Variants in SLC47A2 observed in about 807,000 individuals in gnomAD.
SLC47A2 encodes solute carrier family 47 member 2.
SLC47A2 carries 52 observed loss-of-function variants against 67.7 expected under a neutral mutation model. The observed-to-expected ratio is 0.77, with a 90% CI of 0.61 to 0.97. SLC47A2 has a LOEUF of 0.97. SLC47A2 is among the 50% of genes least tolerant of loss of function. The pLI is 0.00. For synonymous variants in SLC47A2, 278 were observed against 292.9 expected (o/e 0.95, Z 0.52); for missense variants, 676 against 712.3 (o/e 0.95, Z 0.58).
chr17:19,716,234 G>T, intron 1 of SLC47A2, 199 bp downstream of exon 1: 1 of 815,790 alleles, frequency 1.2e-6, no homozygotes, highest in Non-Finnish European at 1.8e-6. Flanking sequence ...AGCAAAGTCA[G>T]GCCCCACTGC....
Position 19,681,349 on chromosome 17 carries a change from G to T in SLC47A2, c.1392+18C>A, listed in dbSNP as rs1480489565. The T allele has an allele frequency of 6.3e-7, 1 of 1,579,874 alleles. No homozygotes were observed. The highest frequency in any genetic ancestry group is 1.2e-5 in the South Asian group (1 of 85,850). On this transcript the variant is annotated intron_variant, in intron 15 of 16. Transcript: ENST00000433844. ...AGGTGCAGGGTGTCTTGTGGCCAGG[G>T]TCAGCTGACCCACTTACCTCCTCTG... is the stretch of plus-strand genomic sequence containing the variant.
At chr17:19,692,183 G>A (rs1037175071) in intron 13 of SLC47A2, 25 of 382,640 alleles carry the variant, frequency 6.5e-5, no homozygotes, top group South Asian at 2.1e-4. Context: ...AGCCAAGATC[G>A]TGCCACTGCA....
At chr17:19,695,499 C>CAAA (rs369851386) in intron 13 of SLC47A2, among the ~76,000 whole-genome samples, 4 of 55,434 alleles carry the variant, frequency 7.2e-5, no homozygotes, top group East Asian at 3.6e-4. Context: ...AAACAAAGAA[C>CAAA]AAAAAAAAAA....
Position 19,678,693 on chromosome 17 carries a change from C to G in SLC47A2, c.1694G>C (p.Arg565Thr). Residue 565 changes from arginine (R) to threonine (T), a missense_variant, in exon 17 of 17, where the codon AGG becomes ACG. Coordinates refer to ENST00000433844, the MANE Select transcript of SLC47A2 (RefSeq NM_001099646.3). ...VGLTVRILATRH is the reference protein window; with the variant it reads ...VGLTVRILATTH ...TATTTCCAAGCTTCTTTGCTAGTGC[C>G]TGGTGGCTAGGATCCTGACCGTGAG... 1 of 1,612,182 alleles carries G rather than the reference C, an allele frequency of 6.2e-7. No individual in the cohort carries two copies.
chr17:19,679,868 C>G (rs2085275423), intron 16 of SLC47A2, 84 bp downstream of exon 16: 1 of 1,340,420 alleles, frequency 7.5e-7, no homozygotes, highest in Non-Finnish European at 1.0e-6. Flanking sequence ...TTTCCAATTG[C>G]ATGAGGCACA....
intron 10 of SLC47A2, 183 bp downstream of exon 10, chr17:19,705,253 G>A: frequency 1.9e-6 from 1 of 519,080 alleles, no homozygotes; most frequent in Non-Finnish European, 3.3e-6. Flanking sequence ...TCGTCAGGTT[G>A]TGGGCACCTG....
At position 19,685,285 on chromosome 17, in the gene SLC47A2, G is replaced by T. The variant is rs1461122333; in HGVS notation, c.1165-3615C>A. ...CGCCACCCCATCTAGGAAGTGAGCA[G>T]CGTCTCTGCTTGGCTGCCCATCGTC... On this transcript the variant is annotated intron_variant, in intron 13 of 16. Coordinates refer to ENST00000433844, the MANE Select transcript of SLC47A2 (RefSeq NM_001099646.3). The surrounding 1 kb of genome is among the most constrained non-coding windows in gnomAD (Gnocchi z 4.5). Among the ~76,000 whole-genome samples, 2 of 152,132 alleles carry T rather than the reference G, an allele frequency of 1.3e-5. No individual in the cohort carries two copies. Among genetic ancestry groups the T allele is most frequent in the East Asian group, 3.9e-4 (2 of 5,176 alleles).
intron 12 of SLC47A2, 142 bp downstream of exon 12, chr17:19,702,950 C>T (rs1412257995): frequency 1.0e-6 from 1 of 976,814 alleles, no homozygotes; most frequent in African/African-American, 1.6e-5. Flanking sequence ...CAGAAGTTGG[C>T]TTCCTCTCAG....
intron 8 of SLC47A2, 55 bp from the exon 9 acceptor site, chr17:19,706,816 C>T (rs1168578446): frequency 1.5e-6 from 2 of 1,370,172 alleles, no homozygotes; most frequent in Non-Finnish European, 2.0e-6. Flanking sequence ...CACCTCATTC[C>T]TGCTCCCCAC....
upstream of SLC47A2, chr17:19,716,628 C>T (rs2086277121): frequency 1.3e-6 from 2 of 1,483,522 alleles, no homozygotes; most frequent in South Asian, 2.8e-5. Flanking sequence ...GAGCCACCCC[C>T]TGCCTGGGCA....
chr17:19,698,646 C>A (rs112805985), intron 13 of SLC47A2, among the ~76,000 whole-genome samples: 3,426 of 152,264 alleles, frequency 0.023, 120 homozygotes, highest in African/African-American at 0.078. Context: ...TGAGCCACTG[C>A]ACCCAGCCTT....
intron 2 of SLC47A2, 122 bp from the exon 3 acceptor site, chr17:19,714,911 G>T: frequency 7.1e-7 from 1 of 1,415,206 alleles, no homozygotes; most frequent in Non-Finnish European, 9.9e-7. Flanking sequence ...CAGAGGCTCT[G>T]CTCAGCAGCC....
intron 13 of SLC47A2, among the ~76,000 whole-genome samples, chr17:19,682,319 C>T (rs568550448): frequency 7.2e-6 from 1 of 138,152 alleles, no homozygotes; most frequent in Non-Finnish European, 1.5e-5. Context: ...GGCGACAGAG[C>T]GAGACTTGGT....
At chr17:19,688,937 C>A (rs1247530320) in intron 13 of SLC47A2, among the ~76,000 whole-genome samples, 1 of 151,702 alleles carries the variant, frequency 6.6e-6, no homozygotes, top group African/African-American at 2.4e-5. Flanking sequence ...GCATTCACAG[C>A]TTACTGCAGC....
intron 16 of SLC47A2, among the ~76,000 whole-genome samples, chr17:19,679,621 C>T (rs190174072): frequency 5.9e-5 from 9 of 152,174 alleles, no homozygotes; most frequent in Non-Finnish European, 8.8e-5. Flanking sequence ...CGGGTTGATG[C>T]GCAGATCTTA....
intron 9 of SLC47A2, 126 bp from the exon 10 acceptor site, chr17:19,705,629 T>A: frequency 1.2e-6 from 1 of 839,670 alleles, no homozygotes; most frequent in Non-Finnish European, 1.8e-6. Context: ...AGACAGGGTC[T>A]CACTCTGTCG....
Position 19,697,734 on chromosome 17 carries a change from T to C in SLC47A2, c.1164+4871A>G, listed in dbSNP as rs866657906. 3.3e-5 allele frequency among the ~76,000 whole-genome samples: 5 copies of C among 150,770 alleles called. No individual in the cohort carries two copies. In the Middle Eastern group the frequency reaches 0.011, roughly 319 times the overall value. ...TCCCTAGTAGCTGGGACTACAGATA[T>C]GCACCACTATGCCCAGCTTTTTTTT... is the stretch of plus-strand genomic sequence containing the variant. On this transcript the variant is annotated intron_variant, in intron 13 of 16. Transcript: ENST00000433844.
intron 10 of SLC47A2, chr17:19,705,170 A>T: frequency 2.1e-6 from 1 of 476,724 alleles, no homozygotes; most frequent in Non-Finnish European, 3.7e-6. Flanking sequence ...TGTGATGTGA[A>T]ATCTCCCAAT....
At chr17:19,712,670 G>A (rs2086132069) in intron 5 of SLC47A2, 33 bp downstream of exon 5, 1 of 1,608,894 alleles carries the variant, frequency 6.2e-7, no homozygotes, top group Non-Finnish European at 8.5e-7. Context: ...TTAGGGGAAT[G>A]TGATTCCACG....
Sources: gnomAD v4.1 joint callset for allele counts (sites outside exome capture counted in the v4.1 genomes callset) on GRCh38, gnomAD v4.1.1 for gene constraint, Gnocchi (gnomAD v3.1) non-coding constraint, MANE v1.5 for transcripts, NCBI Gene and HGNC (gene_info 2026-07-23, HGNC 2026-07-21) for gene names.